The following RAB33A variants were observed in gnomAD, a reference collection of about 807,000 sequenced individuals.
RAB33A encodes the protein ras-related protein Rab-33A.
In RAB33A, 6 loss-of-function variants were observed where a neutral mutation model predicts 12.0. The observed-to-expected ratio is 0.50, with a 90% confidence interval of 0.27 to 0.99. RAB33A has a LOEUF of 0.99. Among genes scored for constraint, RAB33A ranks in the 50% least tolerant of loss-of-function variants. RAB33A has a pLI of 0.11. For missense variants in RAB33A, 109 were observed against 192.0 expected, an observed-to-expected ratio of 0.57 and a Z score of 2.55; for synonymous variants, 70 against 82.4, an observed-to-expected ratio of 0.85 and a Z score of 0.81.
the RAB33A span, among the ~76,000 whole-genome samples, chrX:130,133,089 T>G: frequency 2.1e-4 from 24 of 111,847 alleles, no homozygotes; most frequent in African/African-American, 7.8e-4. Flanking sequence ...AAATAATTTT[T>G]TTCTCTTTTA....
At chrX:130,155,227 C>T in the RAB33A span, 1 of 1,210,480 alleles carries the variant, frequency 8.3e-7, no homozygotes, top group Non-Finnish European at 1.1e-6. Context: ...CCATCTTTCC[C>T]AGAAGCACCT....
the RAB33A span, chrX:130,129,464 A>T: frequency 1.4e-6 from 1 of 712,628 alleles, no homozygotes; most frequent in Non-Finnish European, 2.3e-6. Context: ...ACACTCATAC[A>T]CAGAGAAAGT....
chrX:130,131,174 T>A, the RAB33A span, among the ~76,000 whole-genome samples: 1 of 111,262 alleles, frequency 9.0e-6, no homozygotes, highest in Non-Finnish European at 1.9e-5. Flanking sequence ...GGCACTAAGA[T>A]CTGCCAAATG....
At chrX:130,139,689 T>C in the RAB33A span, 2 of 718,282 alleles carry the variant, frequency 2.8e-6, no homozygotes, top group Non-Finnish European at 4.4e-6. Context: ...AGAAGAGCCA[T>C]AAATAGAACT....
chrX:130,128,574 AAATAAT>A, the RAB33A span, among the ~76,000 whole-genome samples: 22 of 112,307 alleles, frequency 2.0e-4, no homozygotes, highest in Admixed American at 1.2e-3. Flanking sequence ...CTCCATCTCA[AAATAAT>A]AATAATAAGA....
chrX:130,111,742 G>A, the RAB33A span, among the ~76,000 whole-genome samples: 5 of 112,148 alleles, frequency 4.5e-5, no homozygotes, highest in East Asian at 1.4e-3. Context: ...CCTGTCCAAA[G>A]CCAGGCTGCT....
intron 1 of RAB33A, among the ~76,000 whole-genome samples, chrX:130,182,179 T>TAAATATACACAC (rs59077749): frequency 1.4e-5 from 1 of 72,698 alleles, no homozygotes; most frequent in Non-Finnish European, 2.4e-5. Flanking sequence ...TATATATATA[T>TAAATATACACAC]ATACACATAT....
the RAB33A span, among the ~76,000 whole-genome samples, chrX:130,116,910 A>G: frequency 1.8e-5 from 2 of 112,121 alleles, no homozygotes; most frequent in Non-Finnish European, 3.8e-5. Flanking sequence ...TCAGTTTACA[A>G]TCATTAAAAC....
chrX:130,137,614 AAAG>A, the RAB33A span: 3 of 1,129,477 alleles, frequency 2.7e-6, no homozygotes, highest in Non-Finnish European at 3.5e-6. Flanking sequence ...TCATGTGCCC[AAAG>A]AAGTTTTTGG....
the RAB33A span, among the ~76,000 whole-genome samples, chrX:130,124,617 C>T: frequency 2.7e-5 from 3 of 112,417 alleles, no homozygotes; most frequent in Admixed American, 9.4e-5. Context: ...GATATTTTGG[C>T]TATTTGTGTC....
At chrX:130,157,720 A>C in the RAB33A span, among the ~76,000 whole-genome samples, 1 of 110,328 alleles carries the variant, frequency 9.1e-6, no homozygotes, top group South Asian at 3.8e-4. Flanking sequence ...TAATCCCAGC[A>C]CTTTGGGAGG....
At chrX:130,126,117 C>A in the RAB33A span, among the ~76,000 whole-genome samples, 1 of 112,512 alleles carries the variant, frequency 8.9e-6, no homozygotes. Flanking sequence ...TAGCCTTGCA[C>A]CACACTGTGG....
the RAB33A span, among the ~76,000 whole-genome samples, chrX:130,133,062 G>A: frequency 9.0e-6 from 1 of 111,381 alleles, no homozygotes; most frequent in Non-Finnish European, 1.9e-5. Flanking sequence ...TCTAACATAC[G>A]CCAGACAGAA....
chrX:130,132,742 C>CTTTTTTT, the RAB33A span, among the ~76,000 whole-genome samples: 1 of 69,886 alleles, frequency 1.4e-5, no homozygotes, highest in East Asian at 3.8e-4. Context: ...TCTGACACTC[C>CTTTTTTT]TTTTTTTTTT....
the RAB33A span, among the ~76,000 whole-genome samples, chrX:130,130,926 G>C: frequency 3.6e-5 from 4 of 112,326 alleles, no homozygotes; most frequent in African/African-American, 1.3e-4. Context: ...GGAGAGATCA[G>C]AATTAAGGAA....
chrX:130,139,428 A>AC, the RAB33A span, among the ~76,000 whole-genome samples: 1 of 111,557 alleles, frequency 9.0e-6, no homozygotes, highest in Non-Finnish European at 1.9e-5. Flanking sequence ...CTTGCTTTTT[A>AC]TTTAGGTACT....
intron 1 of RAB33A, 23 bp from the exon 2 acceptor site, chrX:130,184,262 C>T: frequency 8.4e-7 from 1 of 1,183,501 alleles, no homozygotes. Flanking sequence ...CTGACTCCAC[C>T]TTTGGGTTTT....
intron 1 of RAB33A, among the ~76,000 whole-genome samples, chrX:130,172,615 C>T (rs758638267): frequency 5.0e-4 from 56 of 112,027 alleles, no homozygotes; most frequent in African/African-American, 1.7e-3. Context: ...ACCCCTACCC[C>T]GAGCAGCGGC....
the RAB33A span, among the ~76,000 whole-genome samples, chrX:130,162,229 T>A: frequency 8.9e-6 from 1 of 112,068 alleles, no homozygotes; most frequent in Non-Finnish European, 1.9e-5. Flanking sequence ...AAAATGAGCT[T>A]GATACAAATC....
Sources: gnomAD v4.1 joint callset for allele counts (sites outside exome capture counted in the v4.1 genomes callset) on GRCh38, gnomAD v4.1.1 for gene constraint, MANE v1.5 for transcripts, NCBI Gene and HGNC (gene_info 2026-07-23, HGNC 2026-07-21) for gene names.